Variants in CSMD1 observed in about 807,000 individuals in gnomAD.
The protein encoded by CSMD1 is CUB and sushi domain-containing protein 1.
In CSMD1, 213 loss-of-function variants were observed where a neutral mutation model predicts 417.5. The observed-to-expected ratio is 0.51, with a 90% confidence interval of 0.46 to 0.57. CSMD1 has a LOEUF of 0.57. CSMD1 is among the 20% of genes least tolerant of loss of function. CSMD1 has a pLI of 0.00. For synonymous variants in CSMD1, 2,862 were observed against 1,736.8 expected, an observed-to-expected ratio of 1.65 and a Z score of -16.11; for missense variants, 6,923 against 4,529.7, an observed-to-expected ratio of 1.53 and a Z score of -15.17.
rs374785865 is a variant in CSMD1 at position 3,091,570 on chromosome 8, G to A, written c.7231C>T (p.Arg2411Cys). 5.0e-6 allele frequency: 8 copies of A among 1,610,270 alleles called. No homozygotes were observed. The highest frequency in any genetic ancestry group is 1.3e-5 in the African/African-American group (1 of 74,772). ...CTGGTGGCATGGTCAGTGGACCAGC[G>A]GAGATATAACTGATTACTCCTGCTT... ...FTSRSNQLYLRWSTDHATSKK... is the reference protein window; with the variant it reads ...FTSRSNQLYLCWSTDHATSKK... Residue 2411 changes from arginine to cysteine, a missense_variant, in exon 48 of 70, where the codon CGC becomes TGC. Arg to Cys is a radical substitution (Grantham distance 180). Transcript: ENST00000635120.
intron 1 of CSMD1, among the ~76,000 whole-genome samples, chr8:4,691,745 T>C (rs569592892): frequency 6.6e-6 from 1 of 152,366 alleles, no homozygotes; most frequent in Admixed American, 6.5e-5. Context: ...ATTGGGAATC[T>C]GTAGCTATCT....
rs1298658138 is a variant in CSMD1 at position 3,975,334 on chromosome 8, G to C, written c.818+22569C>G. On this transcript the variant is annotated intron_variant, in intron 5 of 69. Transcript: ENST00000635120. ...TGCCCTTAGAACAGTTTGGATGTTT[G>C]TGGACATGAACTGCAATATAATAAT... is the stretch of plus-strand genomic sequence containing the variant. Among the ~76,000 whole-genome samples the C allele has an allele frequency of 5.3e-5, 8 of 152,242 alleles. No homozygotes were observed. In the South Asian group the frequency reaches 1.2e-3, roughly 24 times the overall value.
At chr8:2,996,661 TAA>T (rs1370039515) in intron 54 of CSMD1, among the ~76,000 whole-genome samples, 1 of 152,178 alleles carries the variant, frequency 6.6e-6, no homozygotes, top group Non-Finnish European at 1.5e-5. Flanking sequence ...TTGTCAGTCA[TAA>T]GAGTTCAACT....
chr8:4,018,922 A>C (rs1796652527), intron 4 of CSMD1, among the ~76,000 whole-genome samples: 1 of 152,214 alleles, frequency 6.6e-6, no homozygotes, highest in Admixed American at 6.5e-5. Context: ...GAAAGTTAAT[A>C]ACAAGAACAT....
At chr8:4,307,893 C>T (rs953690636) in intron 3 of CSMD1, among the ~76,000 whole-genome samples, 29 of 152,254 alleles carry the variant, frequency 1.9e-4, no homozygotes, top group African/African-American at 6.5e-4. Context: ...AGAGAGGAGG[C>T]AGCAGAGGCA....
rs144272467 is a variant in CSMD1, at chr8:4,580,131, C to G, written c.302+57211G>C. ...TTTTGTCTTTAAAATGTATTAAACA[C>G]CTATGTGGCCCTGACTGTACCAGGC... is the stretch of plus-strand genomic sequence containing the variant. On this transcript the variant is annotated intron_variant, in intron 2 of 69. Transcript: ENST00000635120. Among the ~76,000 whole-genome samples the G allele has an allele frequency of 1.1e-3, 169 of 152,254 alleles. 3 individuals carry two copies. The highest frequency in any genetic ancestry group is 8.0e-3 in the Admixed American group (123 of 15,290).
At chr8:3,808,241 T>C (rs1463812111) in intron 5 of CSMD1, among the ~76,000 whole-genome samples, 2 of 152,166 alleles carry the variant, frequency 1.3e-5, no homozygotes, top group Non-Finnish European at 2.9e-5. Context: ...ACTACAAAAT[T>C]CACTAAGTAG....
intron 1 of CSMD1, among the ~76,000 whole-genome samples, chr8:4,966,099 C>A (rs1030424902): frequency 2.6e-5 from 4 of 151,204 alleles, no homozygotes; most frequent in Non-Finnish European, 4.4e-5. Flanking sequence ...TGTGATGGCT[C>A]ACTTCTGTAA....
intron 2 of CSMD1, among the ~76,000 whole-genome samples, chr8:4,559,237 G>A (rs535850019): frequency 3.4e-5 from 5 of 148,158 alleles, no homozygotes; most frequent in South Asian, 4.2e-4. Context: ...TTAAAATGTT[G>A]GATAAACTTA....
At chr8:3,773,469 T>C (rs1230052996) in intron 5 of CSMD1, among the ~76,000 whole-genome samples, 1 of 152,090 alleles carries the variant, frequency 6.6e-6, no homozygotes, top group Non-Finnish European at 1.5e-5. Flanking sequence ...GTATTTTTTG[T>C]AGAGATTGGG....
intron 3 of CSMD1, among the ~76,000 whole-genome samples, chr8:4,042,830 A>AAAAAAAAAAAAATT (rs1797961049): frequency 6.9e-6 from 1 of 144,376 alleles, no homozygotes; most frequent in Non-Finnish European, 1.5e-5. Flanking sequence ...AAAAAAAAAA[A>AAAAAAAAAAAAATT]AAAAAAAAAA....
chr8:4,638,331 G>T (rs1421107839), intron 1 of CSMD1, among the ~76,000 whole-genome samples: 1 of 152,104 alleles, frequency 6.6e-6, no homozygotes, highest in Non-Finnish European at 1.5e-5. Flanking sequence ...AGAATAGTTA[G>T]AAAAAAACAA....
chr8:3,925,254 T>C (rs377352003), intron 5 of CSMD1, among the ~76,000 whole-genome samples: 85 of 152,352 alleles, frequency 5.6e-4, no homozygotes, highest in Middle Eastern at 6.8e-3. Flanking sequence ...AGTAATGCAT[T>C]TGGGGAATGT....
At chr8:4,771,550 C>T (rs1311529200) in intron 1 of CSMD1, among the ~76,000 whole-genome samples, 3 of 152,208 alleles carry the variant, frequency 2.0e-5, no homozygotes, top group Non-Finnish European at 2.9e-5. Context: ...GCATTTTCCA[C>T]TCTAAGGAAC....
chr8:4,773,883 A>C (rs13256305), intron 1 of CSMD1, among the ~76,000 whole-genome samples: 15 of 152,116 alleles, frequency 9.9e-5, no homozygotes, highest in Non-Finnish European at 2.1e-4. Context: ...AAACTATTAA[A>C]TACGCTTTCT....
At chr8:4,108,618 G>C (rs1026075765) in intron 3 of CSMD1, among the ~76,000 whole-genome samples, 2 of 152,174 alleles carry the variant, frequency 1.3e-5, no homozygotes, top group Non-Finnish European at 2.9e-5. Flanking sequence ...TTCCCGGCCC[G>C]AGAGTCTCAG....
At chr8:3,221,792 A>G (rs1798232291) in intron 28 of CSMD1, among the ~76,000 whole-genome samples, 1 of 152,038 alleles carries the variant, frequency 6.6e-6, no homozygotes, top group South Asian at 2.1e-4. Context: ...GGGACGTGTA[A>G]TGGAACATCC....
At chr8:3,994,923 A>G (rs992230239) in intron 5 of CSMD1, among the ~76,000 whole-genome samples, 1 of 152,104 alleles carries the variant, frequency 6.6e-6, no homozygotes. Flanking sequence ...GGAAGATCAT[A>G]TGTGTATCTG....
intron 1 of CSMD1, among the ~76,000 whole-genome samples, chr8:4,736,335 T>C (rs983337939): frequency 1.1e-4 from 17 of 152,158 alleles, no homozygotes; most frequent in African/African-American, 4.1e-4. Context: ...CTTGGAGATA[T>C]TCAGATAATA....
Sources: gnomAD v4.1 joint callset for allele counts (sites outside exome capture counted in the v4.1 genomes callset) on GRCh38, gnomAD v4.1.1 for gene constraint, MANE v1.5 for transcripts, NCBI Gene and HGNC (gene_info 2026-07-23, HGNC 2026-07-21) for gene names.